The following JPT1 variants were observed in gnomAD, a reference collection of about 807,000 sequenced individuals.
JPT1 encodes the protein androgen-regulated protein 2.
A neutral mutation model predicts 17.0 loss-of-function variants in JPT1; 5 were observed. The ratio of observed to expected loss-of-function variants is 0.29; its 90% confidence interval spans 0.15 to 0.62. The LOEUF (loss-of-function observed/expected upper bound fraction) is 0.62, where lower values mean the gene tolerates loss of function less well. JPT1 is among the 20% of genes least tolerant of loss of function. JPT1 has a pLI of 0.85. For synonymous variants in JPT1, 71 were observed against 73.6 expected (o/e 0.96, Z 0.18); for missense variants, 158 against 188.1 (o/e 0.84, Z 0.94).
At chr17:75,148,025 C>T (rs974575191) in intron 2 of JPT1, 1 of 228,078 alleles carries the variant, frequency 4.4e-6, no homozygotes, top group African/African-American at 2.2e-5. Flanking sequence ...AAACAAAAAA[C>T]TTCAGCAATT....
chr17:75,137,434 G>A (rs527852683), intron 4 of JPT1, among the ~76,000 whole-genome samples: 1 of 151,444 alleles, frequency 6.6e-6, no homozygotes, highest in Non-Finnish European at 1.5e-5. Context: ...ACAGCCCACT[G>A]TAGCCTCAAA....
At chr17:75,144,894 C>T (rs1247051432) in intron 4 of JPT1, among the ~76,000 whole-genome samples, 2 of 152,108 alleles carry the variant, frequency 1.3e-5, no homozygotes, top group Admixed American at 6.6e-5. Context: ...AGGAAAAACA[C>T]GTTTGAGTGT....
At chr17:75,149,074 G>A (rs2074493652) in intron 1 of JPT1, 10 of 1,271,278 alleles carry the variant, frequency 7.9e-6, no homozygotes, top group Non-Finnish European at 9.2e-6. Context: ...ATCATTTCCA[G>A]GCACAGTGGC....
At position 75,147,996 on chromosome 17, in the gene JPT1, ACT is replaced by A. The variant is rs199792004; in HGVS notation, c.200-345_200-344del. ...ACTCCAGCCTGGGCAACAGAATGAG[ACT>A]CTTATCTCAAAAACAAAAACAAAAA... On this transcript the variant is annotated intron_variant, in intron 2 of 4. Transcript: ENST00000409753. The A allele has an allele frequency of 3.7e-3, 932 of 250,104 alleles. 7 individuals are homozygous for A. The highest frequency in any genetic ancestry group is 0.019 in the African/African-American group (874 of 45,374). The allele number at this position is 250,104 out of a possible 1,614,324, so 15.5% of individuals were successfully genotyped here. A position where few individuals can be genotyped will look rare whatever the true frequency, so the allele number is the denominator to read the frequency against.
chr17:75,140,205 C>T (rs1007084425), intron 4 of JPT1, among the ~76,000 whole-genome samples: 5 of 151,944 alleles, frequency 3.3e-5, no homozygotes, highest in East Asian at 1.9e-4. Flanking sequence ...CATGAGCCAC[C>T]GCGCCCAGCC....
At chr17:75,146,551 G>T in intron 4 of JPT1, 115 bp downstream of exon 4, 1 of 715,446 alleles carries the variant, frequency 1.4e-6, no homozygotes, top group Non-Finnish European at 2.4e-6. Flanking sequence ...GGCACTTGGG[G>T]CATGGCCAGG....
chr17:75,146,535 T>C (rs1199092044), intron 4 of JPT1, 131 bp downstream of exon 4: 5 of 639,454 alleles, frequency 7.8e-6, no homozygotes, highest in Non-Finnish European at 1.4e-5. Flanking sequence ...CAGATTAGAG[T>C]ATGGCGGCAC....
chr17:75,151,006 G>A (rs1328108571), intron 1 of JPT1, among the ~76,000 whole-genome samples: 4 of 151,528 alleles, frequency 2.6e-5, no homozygotes, highest in African/African-American at 4.8e-5. Flanking sequence ...GGCGCCCGCC[G>A]GAACGCCCGG....
Position 75,136,144 on chromosome 17 carries a change from T to G in JPT1, c.423A>C (p.Arg141Ser). Residue 141 changes from arginine to serine, a missense_variant, in exon 5 of 5, where the codon AGA (arginine) becomes AGC (serine). Coordinates refer to ENST00000409753, the MANE Select transcript of JPT1 (RefSeq NM_016185.4). ...TGGACTTGCCGCCAGGGGGATTTCTTCTGGATGGCACTGGGGCCGGGGCCA... is the reference window on the plus strand; with the variant it reads ...TGGACTTGCCGCCAGGGGGATTTCTGCTGGATGGCACTGGGGCCGGGGCCA... ...SPVAPAPVPS[R>S]RNPPGGKSSL... The G allele has an allele frequency of 7.4e-6, 12 of 1,614,212 alleles. No individual in the cohort carries two copies. The highest frequency in any genetic ancestry group is 1.0e-5 in the Non-Finnish European group (12 of 1,180,042).
chr17:75,149,861 T>TTA (rs2074512058), intron 1 of JPT1, among the ~76,000 whole-genome samples: 1 of 41,630 alleles, frequency 2.4e-5, no homozygotes, highest in Non-Finnish European at 5.7e-5. Context: ...ACTTACACAC[T>TTA]TACACACACA....
chr17:75,154,277 C>A, intron 1 of JPT1, 65 bp downstream of exon 1: 1 of 1,335,832 alleles, frequency 7.5e-7, no homozygotes, highest in Non-Finnish European at 9.9e-7. Context: ...GCGCGAGGCC[C>A]CGCCGGCAGC....
In JPT1 at chr17:75,136,122, A is replaced by C; in HGVS notation, c.445T>G (p.Ser149Ala). 1 of 1,614,246 alleles carries C rather than the reference A, an allele frequency of 6.2e-7. No individual in the cohort carries two copies. The highest frequency in any genetic ancestry group is 8.5e-7 in the Non-Finnish European group (1 of 1,180,036). The change falls in exon 5 of 5, where the codon TCC becomes GCC. Residue 149 changes from serine to alanine, a missense_variant. Physicochemically the swap from Ser to Ala is moderately conservative, Grantham distance 99 (BLOSUM62 1). Coordinates refer to ENST00000409753, the MANE Select transcript of JPT1 (RefSeq NM_016185.4). ...CAGAGCTAACCCAAGACGAGGCTGGACTTGCCGCCAGGGGGATTTCTTCTG... is the reference window on the plus strand; with the variant it reads ...CAGAGCTAACCCAAGACGAGGCTGGCCTTGCCGCCAGGGGGATTTCTTCTG... ...PSRRNPPGGK[S>A]SLVLG
chr17:75,137,674 G>T (rs2074229852), intron 4 of JPT1, among the ~76,000 whole-genome samples: 1 of 133,184 alleles, frequency 7.5e-6, no homozygotes, highest in Admixed American at 7.7e-5. Flanking sequence ...CCTTCACACA[G>T]CCTAGTTTTC....
intron 1 of JPT1, chr17:75,149,008 G>A: frequency 7.9e-7 from 1 of 1,272,426 alleles, no homozygotes; most frequent in Non-Finnish European, 1.0e-6. Flanking sequence ...ACTGGGCTTG[G>A]CTGAATATAC....
intron 4 of JPT1, chr17:75,138,472 G>C (rs1262298023): frequency 6.7e-6 from 1 of 149,028 alleles, no homozygotes; most frequent in Non-Finnish European, 1.5e-5. Flanking sequence ...AAAGTAGCGT[G>C]ATCCTGGCCC....
intron 4 of JPT1, among the ~76,000 whole-genome samples, chr17:75,143,630 G>A (rs956594365): frequency 1.3e-5 from 2 of 151,956 alleles, no homozygotes; most frequent in Non-Finnish European, 1.5e-5. Context: ...GAGGTCAGGA[G>A]ATCAAGACCA....
In JPT1 at chr17:75,148,592, TG is replaced by T; in HGVS notation, c.135del (p.Asn45LysfsTer52). 1 of 1,614,212 alleles carries T rather than the reference TG, an allele frequency of 6.2e-7. No homozygotes were observed. On this transcript the variant is annotated frameshift_variant, in exon 2 of 5. Coordinates refer to ENST00000409753, the MANE Select transcript of JPT1 (RefSeq NM_016185.4). LOFTEE classifies it high-confidence loss of function. ...DEPTEQPVRK[N>X]KMASNIFGTP... ...GTCCCAAAGATATTAGAGGCCATTTTGTTCTTCCTCACAGGTTGTTCTGTTG... is the reference window on the plus strand; with the variant it reads ...GTCCCAAAGATATTAGAGGCCATTTTTTCTTCCTCACAGGTTGTTCTGTTG...
chr17:75,146,855 A>G (rs372759890), intron 3 of JPT1, 171 bp from the exon 4 acceptor site: 1 of 562,358 alleles, frequency 1.8e-6, no homozygotes, highest in Non-Finnish European at 3.2e-6. Context: ...GGACAATGCT[A>G]TGCAAAAATT....
chr17:75,145,178 A>C (rs951467165), intron 4 of JPT1: 2 of 148,436 alleles, frequency 1.3e-5, no homozygotes, highest in African/African-American at 2.4e-5. Flanking sequence ...AAAAAAAAAA[A>C]AAAAAAACAC....
Sources: gnomAD v4.1 joint callset for allele counts (sites outside exome capture counted in the v4.1 genomes callset) on GRCh38, gnomAD v4.1.1 for gene constraint, MANE v1.5 for transcripts, NCBI Gene and HGNC (gene_info 2026-07-23, HGNC 2026-07-21) for gene names.